BANK1: variants seen among roughly 807,000 people sequenced by gnomAD.
BANK1 encodes B cell scaffold protein with ankyrin repeats 1.
A neutral mutation model predicts 94.5 loss-of-function variants in BANK1; 95 were observed. The observed-to-expected ratio is 1.00, with a 90% confidence interval of 0.85 to 1.19. The LOEUF (loss-of-function observed/expected upper bound fraction) is 1.19, where lower values mean the gene tolerates loss of function less well. BANK1 is among the 50% of genes most tolerant of loss of function. The pLI is 0.00. For missense variants in BANK1, 987 were observed against 932.2 expected (o/e 1.06, Z -0.77); for synonymous variants, 334 against 308.4 (o/e 1.08, Z -0.87).
At chr4:101,875,995 C>G (rs902111746) in intron 5 of BANK1, among the ~76,000 whole-genome samples, 3 of 152,102 alleles carry the variant, frequency 2.0e-5, no homozygotes, top group African/African-American at 4.8e-5. Context: ...AAAAGAGACC[C>G]CTTCCCTCTG....
At chr4:101,934,692 C>T (rs1186393964) in intron 7 of BANK1, among the ~76,000 whole-genome samples, 1 of 151,508 alleles carries the variant, frequency 6.6e-6, no homozygotes, top group African/African-American at 2.4e-5. Context: ...ACTGACTTAC[C>T]TGTAAACTAT....
chr4:101,924,199 A>G (rs1457321104), intron 7 of BANK1, among the ~76,000 whole-genome samples: 1 of 151,792 alleles, frequency 6.6e-6, no homozygotes, highest in African/African-American at 2.4e-5. Context: ...CATCAGTAGA[A>G]TGTTCATTAG....
chr4:101,908,141 C>T (rs1251383390), intron 6 of BANK1, among the ~76,000 whole-genome samples: 8 of 152,204 alleles, frequency 5.3e-5, no homozygotes, highest in East Asian at 1.9e-4. Flanking sequence ...CATCACACTA[C>T]CTGACTTCAA....
At chr4:101,834,588 A>G (rs1182296480) in intron 2 of BANK1, among the ~76,000 whole-genome samples, 1 of 152,152 alleles carries the variant, frequency 6.6e-6, no homozygotes, top group East Asian at 1.9e-4. Flanking sequence ...TTTTATGTTT[A>G]TGTTGCCAAT....
intron 5 of BANK1, among the ~76,000 whole-genome samples, chr4:101,877,694 G>T (rs965490275): frequency 2.0e-5 from 3 of 152,072 alleles, no homozygotes; most frequent in African/African-American, 7.2e-5. Flanking sequence ...AGTCCAGCCT[G>T]GCCATCATGG....
At chr4:102,024,197 C>G (rs1450251817) in intron 8 of BANK1, among the ~76,000 whole-genome samples, 2 of 152,122 alleles carry the variant, frequency 1.3e-5, no homozygotes, top group Non-Finnish European at 2.9e-5. Flanking sequence ...TCTTTCTTCT[C>G]TACATTGTGC....
intron 7 of BANK1, among the ~76,000 whole-genome samples, chr4:101,925,690 T>C (rs2148903162): frequency 6.6e-6 from 1 of 151,862 alleles, no homozygotes; most frequent in Non-Finnish European, 1.5e-5. Flanking sequence ...CTATGGGGGC[T>C]AAATCGTCTT....
chr4:102,010,281 G>A (rs1048377203), intron 7 of BANK1, among the ~76,000 whole-genome samples: 6 of 150,930 alleles, frequency 4.0e-5, no homozygotes. Context: ...AAACAAACAA[G>A]CAAACAAAGA....
chr4:101,812,458 ATAAT>A (rs377232111), intron 1 of BANK1, among the ~76,000 whole-genome samples: 126 of 152,104 alleles, frequency 8.3e-4, no homozygotes, highest in Middle Eastern at 6.9e-3. Flanking sequence ...TTAAAGGTAA[ATAAT>A]TAAGCAGTGA....
At chr4:101,898,472 A>G (rs999045701) in intron 6 of BANK1, among the ~76,000 whole-genome samples, 3 of 152,062 alleles carry the variant, frequency 2.0e-5, no homozygotes, top group Non-Finnish European at 4.4e-5. Flanking sequence ...TATTTGGTGA[A>G]CTATTTTATT....
At chr4:101,952,049 AT>A in intron 7 of BANK1, among the ~76,000 whole-genome samples, 1 of 152,096 alleles carries the variant, frequency 6.6e-6, no homozygotes, top group Admixed American at 6.6e-5. Context: ...TCATGTACTC[AT>A]GGCTTTTACC....
intron 7 of BANK1, among the ~76,000 whole-genome samples, chr4:101,924,052 G>A (rs1338102020): frequency 4.0e-5 from 6 of 151,572 alleles, no homozygotes; most frequent in Non-Finnish European, 4.4e-5. Flanking sequence ...TTATTTACAC[G>A]CTTTGCACAG....
intron 6 of BANK1, among the ~76,000 whole-genome samples, chr4:101,908,097 A>G (rs149312964): frequency 0.02 from 3,008 of 152,326 alleles, 107 homozygotes; most frequent in African/African-American, 0.07. Context: ...CGCATTGCCA[A>G]GTCAATCCTA....
intron 7 of BANK1, among the ~76,000 whole-genome samples, chr4:101,999,507 T>C (rs1725991396): frequency 6.6e-6 from 1 of 152,250 alleles, no homozygotes; most frequent in African/African-American, 2.4e-5. Flanking sequence ...AATACCTCTC[T>C]TCTCTACTAG....
intron 7 of BANK1, among the ~76,000 whole-genome samples, chr4:101,995,151 A>G (rs1290525085): frequency 2.7e-5 from 4 of 150,778 alleles, no homozygotes; most frequent in East Asian, 2.0e-4. Context: ...CCCTGTGTCC[A>G]TGCGTTCTGA....
At chr4:101,795,662 A>G (rs757488956) in intron 1 of BANK1, among the ~76,000 whole-genome samples, 20 of 152,348 alleles carry the variant, frequency 1.3e-4, no homozygotes, top group Admixed American at 2.6e-4. Context: ...AGTGAGTGAC[A>G]TAAAATTGAG....
intron 7 of BANK1, among the ~76,000 whole-genome samples, chr4:101,956,335 T>G (rs1724338499): frequency 1.3e-5 from 2 of 152,198 alleles, no homozygotes; most frequent in African/African-American, 4.8e-5. Context: ...ATTTTGTTTC[T>G]TATCATGTCT....
At chr4:102,013,378 T>C (rs1412152293) in intron 7 of BANK1, among the ~76,000 whole-genome samples, 1 of 152,116 alleles carries the variant, frequency 6.6e-6, no homozygotes, top group Admixed American at 6.6e-5. Flanking sequence ...CTAGTTTTAA[T>C]GTTAGCCTAA....
chr4:101,833,246 G>A (rs1040926416), intron 2 of BANK1, among the ~76,000 whole-genome samples: 2 of 152,086 alleles, frequency 1.3e-5, no homozygotes, highest in Non-Finnish European at 2.9e-5. Context: ...CCCAAAGTGC[G>A]GGGACTACAG....
Sources: allele counts gnomAD v4.1 joint callset (sites outside exome capture counted in the v4.1 genomes callset), GRCh38; gene constraint gnomAD v4.1.1; transcripts MANE v1.5; gene names NCBI Gene and HGNC (gene_info 2026-07-23, HGNC 2026-07-21).